The following CDIN1 variants were observed in gnomAD, a reference collection of about 807,000 sequenced individuals.
The protein encoded by CDIN1 is CDAN1-interacting nuclease 1.
A neutral mutation model predicts 45.3 loss-of-function variants in CDIN1; 33 were observed. The observed-to-expected ratio is 0.73, with a 90% CI of 0.55 to 0.97. The LOEUF is 0.97. CDIN1 is among the 50% of genes least tolerant of loss of function. The pLI is 0.00. For synonymous variants in CDIN1, 118 were observed against 124.4 expected (o/e 0.95, Z 0.34); for missense variants, 303 against 339.4 (o/e 0.89, Z 0.84).
intron 4 of CDIN1, 113 bp from the exon 5 acceptor site, chr15:36,657,720 A>G (rs2040834825): frequency 1.3e-6 from 1 of 744,020 alleles, no homozygotes; most frequent in East Asian, 2.8e-5. Context: ...TTAATGAATG[A>G]TGCTTGCTAT....
chr15:36,691,296 C>T (rs759953805), intron 5 of CDIN1: 7 of 411,168 alleles, frequency 1.7e-5, no homozygotes, highest in Non-Finnish European at 3.3e-5. Context: ...TCAGATCTGA[C>T]CTGTCTTCAT....
chr15:36,703,976 A>G (rs977658067), intron 8 of CDIN1, among the ~76,000 whole-genome samples: 1 of 152,218 alleles, frequency 6.6e-6, no homozygotes, highest in African/African-American at 2.4e-5. Context: ...TTGGCCTTGC[A>G]TCACAGCTAC....
intron 10 of CDIN1, among the ~76,000 whole-genome samples, chr15:36,720,066 G>GTT (rs36009440): frequency 4.2e-4 from 62 of 148,610 alleles, no homozygotes; most frequent in Admixed American, 4.0e-4. Flanking sequence ...TTTTTTATTT[G>GTT]TTTTTTTATT....
intron 10 of CDIN1, among the ~76,000 whole-genome samples, chr15:36,713,795 A>G (rs1379921470): frequency 6.6e-6 from 1 of 152,206 alleles, no homozygotes; most frequent in East Asian, 1.9e-4. Flanking sequence ...CTTGGCTGAC[A>G]TCTCTTTGAG....
chr15:36,638,198 A>G (rs530825527), intron 1 of CDIN1, among the ~76,000 whole-genome samples: 4 of 152,334 alleles, frequency 2.6e-5, no homozygotes, highest in African/African-American at 4.8e-5. Context: ...TTAACACACA[A>G]TTTTTAAATG....
chr15:36,762,027 ATGTGG>A (rs1163823308), intron 10 of CDIN1, among the ~76,000 whole-genome samples: 2 of 152,152 alleles, frequency 1.3e-5, no homozygotes, highest in Non-Finnish European at 2.9e-5. Flanking sequence ...TGCAGGCAGA[ATGTGG>A]CAATTCTAGA....
At chr15:36,770,423 C>T (rs1200141558) in intron 10 of CDIN1, among the ~76,000 whole-genome samples, 1 of 146,830 alleles carries the variant, frequency 6.8e-6, no homozygotes, top group African/African-American at 2.5e-5. Context: ...AACACAATCT[C>T]TTTCTGATGA....
chr15:36,676,616 C>A (rs2041659871), intron 5 of CDIN1, among the ~76,000 whole-genome samples: 1 of 152,146 alleles, frequency 6.6e-6, no homozygotes, highest in Non-Finnish European at 1.5e-5. Flanking sequence ...GACTATAAGA[C>A]ATTTGATCTC....
At chr15:36,797,924 G>T (rs1418711713) in intron 10 of CDIN1, among the ~76,000 whole-genome samples, 2 of 143,308 alleles carry the variant, frequency 1.4e-5, no homozygotes, top group Non-Finnish European at 3.0e-5. Flanking sequence ...AGGTTGCAGT[G>T]AGCCAAGATC....
intron 10 of CDIN1, among the ~76,000 whole-genome samples, chr15:36,714,681 C>T (rs1392140954): frequency 6.6e-6 from 1 of 152,176 alleles, no homozygotes; most frequent in African/African-American, 2.4e-5. Context: ...TCAGCTCCAT[C>T]CTACACCTGG....
At chr15:36,581,492 A>G (rs1351562847) in intron 1 of CDIN1, among the ~76,000 whole-genome samples, 1 of 152,160 alleles carries the variant, frequency 6.6e-6, no homozygotes, top group Non-Finnish European at 1.5e-5. Flanking sequence ...ACTTCTCCCA[A>G]ATGCCATACA....
intron 1 of CDIN1, among the ~76,000 whole-genome samples, chr15:36,581,658 A>G (rs955396935): frequency 1.3e-5 from 2 of 152,006 alleles, no homozygotes; most frequent in African/African-American, 2.4e-5. Context: ...TGGGAGGATC[A>G]CTTGAGGCCA....
At chr15:36,606,338 G>A (rs973581988) in intron 1 of CDIN1, among the ~76,000 whole-genome samples, 2 of 152,070 alleles carry the variant, frequency 1.3e-5, no homozygotes, top group Non-Finnish European at 2.9e-5. Context: ...CTGAAAGTCC[G>A]ACTTCTACAT....
At chr15:36,603,885 A>G (rs1191592756) in intron 1 of CDIN1, among the ~76,000 whole-genome samples, 1 of 152,238 alleles carries the variant, frequency 6.6e-6, no homozygotes, top group Non-Finnish European at 1.5e-5. Context: ...AGATATTAAT[A>G]GATGCCTTGG....
At chr15:36,700,346 A>G (rs1317914013) in intron 8 of CDIN1, among the ~76,000 whole-genome samples, 2 of 152,188 alleles carry the variant, frequency 1.3e-5, no homozygotes, top group East Asian at 1.9e-4. Flanking sequence ...GTGAGAATCC[A>G]GTGAGAATGC....
At chr15:36,608,955 GTGTGTGTATGTA>G (rs2038511323) in intron 1 of CDIN1, among the ~76,000 whole-genome samples, 1 of 149,034 alleles carries the variant, frequency 6.7e-6, no homozygotes, top group African/African-American at 2.5e-5. Flanking sequence ...AAATCTCTGT[GTGTGTGTATGTA>G]TGTGTGTATA....
intron 1 of CDIN1, chr15:36,613,740 G>A (rs1175509705): frequency 1.3e-6 from 2 of 1,582,710 alleles, no homozygotes; most frequent in East Asian, 2.2e-5. Context: ...AGTGAGACAG[G>A]TATGAAGGTT....
intron 8 of CDIN1, among the ~76,000 whole-genome samples, chr15:36,698,280 A>G (rs1200145521): frequency 6.6e-6 from 1 of 152,226 alleles, no homozygotes; most frequent in Non-Finnish European, 1.5e-5. Flanking sequence ...CTTAATGTTC[A>G]ATGTTTTTAT....
At chr15:36,668,197 C>G (rs1303375219) in intron 5 of CDIN1, 1 of 152,042 alleles carries the variant, frequency 6.6e-6, no homozygotes, top group Non-Finnish European at 1.5e-5. Flanking sequence ...CTAGATACAT[C>G]CATAAATATT....
Sources: allele counts gnomAD v4.1 joint callset (sites outside exome capture counted in the v4.1 genomes callset), GRCh38; gene constraint gnomAD v4.1.1; transcripts MANE v1.5; gene names NCBI Gene and HGNC (gene_info 2026-07-23, HGNC 2026-07-21).